UBAP2: variants seen among roughly 807,000 people sequenced by gnomAD.
The protein encoded by UBAP2 is ubiquitin-associated protein 2.
A neutral mutation model predicts 139.6 loss-of-function variants in UBAP2; 75 were observed. That is an observed-to-expected ratio of 0.54 (90% confidence interval 0.45 to 0.65). UBAP2 has a LOEUF of 0.65. UBAP2 is among the 30% of genes least tolerant of loss of function. The pLI, the probability that UBAP2 is intolerant of heterozygous loss-of-function variation, is 0.00. For synonymous variants in UBAP2, 526 were observed against 526.2 expected, an observed-to-expected ratio of 1.00 and a Z score of 0.01; for missense variants, 1,368 against 1,369.6, an observed-to-expected ratio of 1.00 and a Z score of 0.02.
At chr9:34,032,416 A>G (rs1345527429) in intron 1 of UBAP2, among the ~76,000 whole-genome samples, 2 of 152,194 alleles carry the variant, frequency 1.3e-5, no homozygotes, top group African/African-American at 4.8e-5. Context: ...CCACCAAAGT[A>G]AGATTAACTT....
At chr9:33,996,356 G>A (rs2131181232) in intron 3 of UBAP2, 23 bp from the exon 4 acceptor site, 2 of 1,569,192 alleles carry the variant, frequency 1.3e-6, no homozygotes, top group East Asian at 2.2e-5. Context: ...TCAGAAAATG[G>A]TTAGAGGCAA....
intron 6 of UBAP2, among the ~76,000 whole-genome samples, chr9:33,977,150 C>T (rs1424293480): frequency 3.3e-5 from 5 of 150,914 alleles, no homozygotes; most frequent in African/African-American, 7.3e-5. Context: ...GCAATTCTCC[C>T]GCCTCAGCCT....
At chr9:33,927,762 CAG>C (rs754312043) in intron 20 of UBAP2, 33 bp downstream of exon 20, 29 of 1,576,988 alleles carry the variant, frequency 1.8e-5, no homozygotes, top group African/African-American at 4.0e-5. Context: ...TTGAGGGGCT[CAG>C]GGGTGGGCAG....
intron 1 of UBAP2, among the ~76,000 whole-genome samples, chr9:34,024,342 C>CAAA (rs11464111): frequency 6.9e-6 from 1 of 144,544 alleles, no homozygotes; most frequent in South Asian, 2.1e-4. Flanking sequence ...AACTCTGTCT[C>CAAA]AAAAAAAAAA....
chr9:33,974,888 A>AG (rs1828180181), intron 6 of UBAP2, among the ~76,000 whole-genome samples: 1 of 127,152 alleles, frequency 7.9e-6, no homozygotes, highest in African/African-American at 3.0e-5. Flanking sequence ...TACAGTTCCT[A>AG]ACTTGCGTCA....
chr9:33,980,899 A>T (rs1820605099), intron 6 of UBAP2, among the ~76,000 whole-genome samples: 1 of 151,106 alleles, frequency 6.6e-6, no homozygotes, highest in African/African-American at 2.4e-5. Flanking sequence ...CTGAGCCAAG[A>T]TCACACCACT....
At position 33,941,853 on chromosome 9, in the gene UBAP2, C is replaced by A; in HGVS notation, c.1725G>T (p.Leu575Phe). The change falls in exon 16 of 29, where the codon TTG becomes TTT. Residue 575 changes from leucine to phenylalanine, a missense_variant. Transcript: ENST00000379238. ...CACTGGTCATTGATAAAGATGTATT[C>A]AAAGGCTCACTGAAAAGAGTCAAAA... ...SLYSKSLSEPLNTSLSMTSAV... is the reference protein window; with the variant it reads ...SLYSKSLSEPFNTSLSMTSAV... The A allele has an allele frequency of 6.2e-7, 1 of 1,609,832 alleles. No homozygotes were observed. The highest frequency in any genetic ancestry group is 8.5e-7 in the Non-Finnish European group (1 of 1,177,330).
Position 33,971,633 on chromosome 9 carries a change from C to A in UBAP2, c.679+18G>T. The A allele has an allele frequency of 6.8e-7, 1 of 1,475,362 alleles. No homozygotes were observed. The highest frequency in any genetic ancestry group is 9.5e-7 in the Non-Finnish European group (1 of 1,053,836). The allele number at this position is 1,475,362 out of a possible 1,614,324, so 91.4% of individuals were successfully genotyped here. ...TCAAACATTTAAAACTCATCTCTGG[C>A]AAAAACAGAACACTTACCAGTTCCC... is the stretch of plus-strand genomic sequence containing the variant. On this transcript the variant is annotated intron_variant, in intron 8 of 28. Coordinates refer to ENST00000379238, the MANE Select transcript of UBAP2 (RefSeq NM_001370062.2).
rs562916294 is a variant in UBAP2 at position 33,966,808 on chromosome 9, A to G, written c.680-3017T>C. Among the ~76,000 whole-genome samples the G allele has an allele frequency of 6.6e-5, 10 of 152,302 alleles. No homozygotes were observed. In the East Asian group the frequency reaches 1.9e-3, roughly 29 times the overall value. On this transcript the variant is annotated intron_variant, in intron 8 of 28. Coordinates refer to ENST00000379238, the MANE Select transcript of UBAP2 (RefSeq NM_001370062.2). ...ATATTTTAATGATGGTTATAATTCT[A>G]TATGCATTTGTTAGAATTCATCCTC...
intron 9 of UBAP2, 110 bp from the exon 10 acceptor site, chr9:33,960,988 A>C: frequency 2.1e-6 from 2 of 965,738 alleles, no homozygotes; most frequent in Non-Finnish European, 1.6e-6. Context: ...CATACGCCTC[A>C]CTAGCAATTT....
chr9:33,924,840 T>C (rs1185143463), intron 22 of UBAP2, among the ~76,000 whole-genome samples: 1 of 152,238 alleles, frequency 6.6e-6, no homozygotes, highest in Non-Finnish European at 1.5e-5. Flanking sequence ...CCACGGCCCA[T>C]GACAGCTTTG....
chr9:34,048,279 A>G (rs969605724), intron 1 of UBAP2, among the ~76,000 whole-genome samples: 4 of 152,216 alleles, frequency 2.6e-5, no homozygotes, highest in Non-Finnish European at 4.4e-5. Flanking sequence ...GGTGTGGAGG[A>G]AAACTGAGTC....
At chr9:34,023,993 G>A (rs1320068715) in intron 1 of UBAP2, among the ~76,000 whole-genome samples, 7 of 150,742 alleles carry the variant, frequency 4.6e-5, no homozygotes, top group Non-Finnish European at 7.4e-5. Flanking sequence ...GCAGGGAGCC[G>A]AGATGGCGCC....
At chr9:33,957,903 C>A (rs938782192) in intron 10 of UBAP2, among the ~76,000 whole-genome samples, 6 of 112,924 alleles carry the variant, frequency 5.3e-5, no homozygotes, top group Non-Finnish European at 1.3e-4. Flanking sequence ...AACAAGTCAA[C>A]AAGAAGGGCC....
At chr9:34,038,457 A>T (rs1189269030) in intron 1 of UBAP2, among the ~76,000 whole-genome samples, 2 of 151,098 alleles carry the variant, frequency 1.3e-5, no homozygotes, top group Non-Finnish European at 2.9e-5. Context: ...TGGTTTTCGT[A>T]TTTTTTTGGT....
chr9:33,984,620 G>GT (rs1428076798), intron 6 of UBAP2, among the ~76,000 whole-genome samples: 1 of 151,950 alleles, frequency 6.6e-6, no homozygotes, highest in Non-Finnish European at 1.5e-5. Context: ...CAAGGTTGCA[G>GT]TAAGTTATGA....
intron 6 of UBAP2, among the ~76,000 whole-genome samples, chr9:33,985,881 G>A (rs1183999522): frequency 6.6e-6 from 1 of 151,974 alleles, no homozygotes; most frequent in Non-Finnish European, 1.5e-5. Context: ...AATTAGCTGG[G>A]CATGGTGGCG....
At chr9:34,010,762 CA>C (rs1423247714) in intron 2 of UBAP2, among the ~76,000 whole-genome samples, 8 of 152,020 alleles carry the variant, frequency 5.3e-5, no homozygotes, top group Admixed American at 6.6e-5. Flanking sequence ...CTACAACAAA[CA>C]TTTTTTTTTA....
chr9:34,035,947 G>T (rs1178281722), intron 1 of UBAP2, among the ~76,000 whole-genome samples: 3 of 151,632 alleles, frequency 2.0e-5, no homozygotes, highest in Non-Finnish European at 4.4e-5. Flanking sequence ...GGTTAAGGCT[G>T]CAGTGAGCCT....
Sources: allele counts gnomAD v4.1 joint callset (sites outside exome capture counted in the v4.1 genomes callset), GRCh38; gene constraint gnomAD v4.1.1; transcripts MANE v1.5; gene names NCBI Gene and HGNC (gene_info 2026-07-23, HGNC 2026-07-21).